SLF1: variants seen among roughly 807,000 people sequenced by gnomAD.
The protein encoded by SLF1 is SMC5/6 complex localization factor 1.
SLF1 carries 105 observed loss-of-function variants against 123.0 expected under a neutral mutation model. The ratio of observed to expected loss-of-function variants is 0.85; its 90% confidence interval spans 0.73 to 1.00. SLF1 has a LOEUF of 1.00. Ranked by LOEUF, SLF1 falls within the 50% of genes least tolerant of loss-of-function variation. The pLI, the probability that SLF1 is intolerant of heterozygous loss-of-function variation, is 0.00. For synonymous variants in SLF1, 434 were observed against 406.6 expected, an observed-to-expected ratio of 1.07 and a Z score of -0.81; for missense variants, 1,239 against 1,223.0, an observed-to-expected ratio of 1.01 and a Z score of -0.20.
Position 94,662,320 on chromosome 5 carries a change from G to C in SLF1, c.1178G>C (p.Arg393Thr). The change falls in exon 10 of 21, where the codon AGA becomes ACA. Residue 393 changes from arginine to threonine, a missense_variant. By Grantham distance (71) the Arg-to-Thr change is moderately conservative. Transcript: ENST00000265140. ...TAGGCTGTCAGATACAACTGCATTA[G>C]AATAGATAAACAACCAGTGTACAAC... Reference protein sequence around the residue: ...RAQAVRYNCIRIDKQPVYNVE... With the variant: ...RAQAVRYNCITIDKQPVYNVE... 3 of 1,549,960 alleles carry C rather than the reference G, an allele frequency of 1.9e-6. No individual in the cohort carries two copies. The highest frequency in any genetic ancestry group is 2.6e-6 in the Non-Finnish European group (3 of 1,146,042).
chr5:94,676,512 A>G (rs2152492502), intron 14 of SLF1, among the ~76,000 whole-genome samples: 1 of 152,334 alleles, frequency 6.6e-6, no homozygotes, highest in Admixed American at 6.5e-5. Flanking sequence ...ATTGACAGCC[A>G]CCTGTGAAGA....
At position 94,691,635 on chromosome 5, in the gene SLF1, G is replaced by T. The variant is rs370106496; in HGVS notation, c.2491G>T (p.Gly831Ter). 4.3e-6 allele frequency: 7 copies of T among 1,610,454 alleles called. No individual in the cohort carries two copies. The highest frequency in any genetic ancestry group is 5.1e-6 in the Non-Finnish European group (6 of 1,178,884). Reference sequence around the variant, plus strand: ...ATTGATTCTTCTTCTCTCTTTGCCAGGAATAGACATCAATGTTAAAGGTAA... The same window carrying T: ...ATTGATTCTTCTTCTCTCTTTGCCATGAATAGACATCAATGTTAAAGGTAA... Reference protein sequence around the residue: ...EKLILLLSLPGIDINVKDNAG... With the variant: ...EKLILLLSLP The change falls in exon 19 of 21, where the codon GGA (glycine) becomes TGA (stop). Residue 831 changes from glycine to a stop codon, truncating the protein, a stop_gained. Coordinates refer to ENST00000265140, the MANE Select transcript of SLF1 (RefSeq NM_032290.4). LOFTEE classifies it high-confidence loss of function.
chr5:94,646,423 A>C (rs1358942173), intron 5 of SLF1, among the ~76,000 whole-genome samples: 42 of 152,246 alleles, frequency 2.8e-4, no homozygotes, highest in Admixed American at 2.7e-3. Flanking sequence ...TATGAAAATG[A>C]ATGACCATAT....
At chr5:94,640,226 G>A (rs757135713) in intron 4 of SLF1, among the ~76,000 whole-genome samples, 1 of 152,068 alleles carries the variant, frequency 6.6e-6, no homozygotes, top group African/African-American at 2.4e-5. Flanking sequence ...TTGAGAAGGT[G>A]TTTATTTTTG....
rs538689649 is a variant in SLF1 at position 94,646,957 on chromosome 5, G to A, written c.595-2497G>A. Among the ~76,000 whole-genome samples the A allele has an allele frequency of 9.9e-5, 15 of 152,264 alleles. No homozygotes were observed. The East Asian group carries it at 2.9e-3, about 29-fold the overall frequency. ...AGTCATATTTAAACCTCATGTTCATGTGTGGTATGTATTATGACTCCATTT... is the reference window on the plus strand; with the variant it reads ...AGTCATATTTAAACCTCATGTTCATATGTGGTATGTATTATGACTCCATTT... On this transcript the variant is annotated intron_variant, in intron 5 of 20. Transcript: ENST00000265140.
chr5:94,651,785 TA>T lies in SLF1; in HGVS notation c.825del (p.Asp276IlefsTer2). On this transcript the variant is annotated frameshift_variant, in exon 7 of 21. Coordinates refer to ENST00000265140, the MANE Select transcript of SLF1 (RefSeq NM_032290.4). LOFTEE classifies it high-confidence loss of function. The stretch of plus-strand genomic sequence containing the variant: ...AAAAAGAAAAATTCAGTGGTTCCAG[TA>T]AAGATTTGAAATTTGTTAAAATGAG... The part of the protein sequence containing the change: ...HKKEKFSGSS[K>X]DLKFVKMRNT... 6.6e-7 allele frequency: 1 copy of T among 1,522,028 alleles called. No individual in the cohort carries two copies. Among genetic ancestry groups the T allele is most frequent in the South Asian group, 1.3e-5 (1 of 79,626 alleles). 94.3% of individuals were successfully genotyped at this position (1,522,028 alleles called of 1,614,324 possible).
In SLF1 at chr5:94,691,569, A is replaced by G; in HGVS notation, c.2425A>G (p.Thr809Ala). The G allele has an allele frequency of 6.2e-7, 1 of 1,606,644 alleles. No homozygotes were observed. The highest frequency in any genetic ancestry group is 1.7e-4 in the Middle Eastern group (1 of 6,024). ...NFHKTNLKGETALHRACINNQ... is the reference protein window; with the variant it reads ...NFHKTNLKGEAALHRACINNQ... ...CTATTAATTTTTTATGGCAGGAGAAACAGCCCTGCATAGAGCTTGCATAAA... is the reference window on the plus strand; with the variant it reads ...CTATTAATTTTTTATGGCAGGAGAAGCAGCCCTGCATAGAGCTTGCATAAA... Residue 809 changes from threonine (T) to alanine (A), a missense_variant, in exon 19 of 21, where the codon ACA (threonine) becomes GCA (alanine). Coordinates refer to ENST00000265140, the MANE Select transcript of SLF1 (RefSeq NM_032290.4).
intron 15 of SLF1, 83 bp from the exon 16 acceptor site, chr5:94,686,489 AT>A (rs1752445212): frequency 6.9e-7 from 1 of 1,449,422 alleles, no homozygotes; most frequent in African/African-American, 1.4e-5. Context: ...ATTTGACAGA[AT>A]AAACTTCACT....
In SLF1 at chr5:94,653,324, G is replaced by GA. The variant is rs1234852053; in HGVS notation, c.939dup (p.Arg314ThrfsTer14). 2.0e-6 allele frequency: 3 copies of GA among 1,525,920 alleles called. No individual in the cohort carries two copies. Among genetic ancestry groups the GA allele is most frequent in the Admixed American group, 2.3e-5 (1 of 42,846 alleles). 94.5% of individuals were successfully genotyped at this position (1,525,920 alleles called of 1,614,324 possible). A position where few individuals can be genotyped will look rare whatever the true frequency, so the allele number is the denominator to read the frequency against. The stretch of plus-strand genomic sequence containing the variant: ...ATTCAGAGGAGTTATACTTTGAGGA[G>GA]AAAACGCAAGAAAGGAAAAGAAAGC... On this transcript the variant is annotated frameshift_variant, in exon 8 of 21. Transcript: ENST00000265140. LOFTEE classifies it high-confidence loss of function.
chr5:94,681,004 T>C (rs1413768882), intron 15 of SLF1, among the ~76,000 whole-genome samples: 1 of 152,260 alleles, frequency 6.6e-6, no homozygotes, highest in Non-Finnish European at 1.5e-5. Flanking sequence ...TATTGAAAAG[T>C]ACTTTTAAGC....
At position 94,666,758 on chromosome 5, in the gene SLF1, T is replaced by C. The variant is rs558865245; in HGVS notation, c.1532+734T>C. On this transcript the variant is annotated intron_variant, in intron 12 of 20. Transcript: ENST00000265140. ...CTCAAGCAATTCTTATGCCTTAGCC[T>C]TCCAAGTAGCTAGAGTTACAGGCAT... Among the ~76,000 whole-genome samples, 19 of 152,256 alleles carry C rather than the reference T, an allele frequency of 1.2e-4. No homozygotes were observed. The South Asian group carries it at 3.7e-3, about 30-fold the overall frequency.
chr5:94,654,488 A>G (rs574725921), intron 8 of SLF1, 142 bp from the exon 9 acceptor site: 5 of 455,888 alleles, frequency 1.1e-5, no homozygotes, highest in African/African-American at 4.1e-5. Flanking sequence ...TCATTGTGTA[A>G]TCTTGATATA....
intron 8 of SLF1, 55 bp from the exon 9 acceptor site, chr5:94,654,575 T>G: frequency 7.1e-7 from 1 of 1,402,476 alleles, no homozygotes; most frequent in Non-Finnish European, 9.5e-7. Context: ...ATATCATCTG[T>G]GTTGACACTG....
At chr5:94,692,025 A>G (rs1237330894) in intron 19 of SLF1, 49 bp from the exon 20 acceptor site, 4 of 1,582,644 alleles carry the variant, frequency 2.5e-6, no homozygotes, top group Non-Finnish European at 1.7e-6. Flanking sequence ...CTTTTCTACC[A>G]AAAGTCCTAC....
At chr5:94,633,726 T>G (rs962968378) in intron 4 of SLF1, among the ~76,000 whole-genome samples, 6 of 152,266 alleles carry the variant, frequency 3.9e-5, no homozygotes, top group Admixed American at 1.3e-4. Flanking sequence ...CAGATCACTG[T>G]ATAAAACTTA....
At chr5:94,679,344 C>G (rs1371737943) in intron 15 of SLF1, among the ~76,000 whole-genome samples, 1 of 152,074 alleles carries the variant, frequency 6.6e-6, no homozygotes, top group African/African-American at 2.4e-5. Flanking sequence ...GTAATCCCAA[C>G]CTACTTTGGG....
intron 14 of SLF1, among the ~76,000 whole-genome samples, chr5:94,674,859 A>G (rs1226708488): frequency 2.0e-5 from 3 of 152,214 alleles, no homozygotes; most frequent in African/African-American, 4.8e-5. Flanking sequence ...AGATGTTCTT[A>G]AGTGCTATTG....
intron 1 of SLF1, among the ~76,000 whole-genome samples, chr5:94,626,739 A>T (rs915297708): frequency 2.6e-5 from 4 of 152,194 alleles, no homozygotes; most frequent in Non-Finnish European, 4.4e-5. Context: ...TGACTTACCC[A>T]CACAGGCAGT....
chr5:94,630,801 A>G, intron 4 of SLF1, 58 bp downstream of exon 4: 3 of 1,504,346 alleles, frequency 2.0e-6, no homozygotes, highest in Admixed American at 2.2e-5. Context: ...TTTGATTTGC[A>G]TGAGTACTTT....
Sources: gnomAD v4.1 joint callset for allele counts (sites outside exome capture counted in the v4.1 genomes callset) on GRCh38, gnomAD v4.1.1 for gene constraint, MANE v1.5 for transcripts, NCBI Gene and HGNC (gene_info 2026-07-23, HGNC 2026-07-21) for gene names.